PCDHGA8: variants seen among roughly 807,000 people sequenced by gnomAD.
PCDHGA8 encodes the protein protocadherin gamma-A8.
A neutral mutation model predicts 59.2 loss-of-function variants in PCDHGA8; 45 were observed. The ratio of observed to expected loss-of-function variants is 0.76; its 90% CI spans 0.60 to 0.98. PCDHGA8 has a LOEUF of 0.98. Among genes scored for constraint, PCDHGA8 ranks in the 50% least tolerant of loss-of-function variants. The probability of loss-of-function intolerance (pLI) is 0.00; values close to 1 mark genes in which losing one functional copy is unlikely to be tolerated. For missense variants in PCDHGA8, 1,257 were observed against 1,196.2 expected (o/e 1.05, Z -0.75); for synonymous variants, 531 against 519.0 (o/e 1.02, Z -0.32).
In PCDHGA8 at chr5:141,491,723, G is replaced by A. The variant is rs764792125; in HGVS notation, c.2425-3084G>A. The A allele has an allele frequency of 1.7e-5, 27 of 1,606,770 alleles. No individual in the cohort carries two copies. In the African/African-American group the frequency reaches 3.2e-4, roughly 19 times the overall value. On this transcript the variant is annotated intron_variant, in intron 1 of 3. Coordinates refer to ENST00000398604, the MANE Select transcript of PCDHGA8 (RefSeq NM_032088.2). The surrounding 1 kb of genome is among the most constrained non-coding windows in gnomAD (Gnocchi z 6.9). The stretch of plus-strand genomic sequence containing the variant: ...CAGGTGAGGGGCTCGGCGCCGCCCC[G>A]GGCGACCCCTGGGGGCGGCACTGGA...
rs773471969 is a variant in PCDHGA8, at chr5:141,422,101, A to G, written c.2424+26864A>G. 11 of 1,610,046 alleles carry G rather than the reference A, an allele frequency of 6.8e-6. No individual in the cohort carries two copies. The highest frequency in any genetic ancestry group is 4.5e-5 in the East Asian group (2 of 44,870). ...GAACATGGAAAGCAAGGCTTCTGAA[A>G]TATTCCAATTGGATTCACAAACTGG... On this transcript the variant is annotated intron_variant, in intron 1 of 3. Coordinates refer to ENST00000398604, the MANE Select transcript of PCDHGA8 (RefSeq NM_032088.2).
chr5:141,471,394 G>A (rs1349459242), intron 1 of PCDHGA8: 1 of 152,056 alleles, frequency 6.6e-6, no homozygotes, highest in Non-Finnish European at 1.5e-5. Context: ...TACAAGTTAC[G>A]TAGCTAGGCT....
chr5:141,457,045 C>T (rs1489830197), intron 1 of PCDHGA8, among the ~76,000 whole-genome samples: 1 of 152,198 alleles, frequency 6.6e-6, no homozygotes, highest in African/African-American at 2.4e-5. Context: ...GATAGTAAAA[C>T]TTTCATGCTT....
intron 1 of PCDHGA8, chr5:141,419,537 C>G (rs368875631): frequency 1.2e-6 from 2 of 1,612,040 alleles, no homozygotes; most frequent in Non-Finnish European, 1.7e-6. Flanking sequence ...CGACAACGCA[C>G]CGCGGGTGCT....
intron 1 of PCDHGA8, 78 bp from the exon 2 acceptor site, chr5:141,494,729 C>CG: frequency 6.2e-7 from 1 of 1,610,168 alleles, no homozygotes; most frequent in South Asian, 1.1e-5. Context: ...CCTTCTCTCC[C>CG]GGCCCATCCC....
chr5:141,480,837 G>T (rs1435750544), intron 1 of PCDHGA8, among the ~76,000 whole-genome samples: 2 of 152,168 alleles, frequency 1.3e-5, no homozygotes, highest in African/African-American at 4.8e-5. Flanking sequence ...ATAAGATCAG[G>T]AGTTTGAGAC....
chr5:141,393,892 C>A lies in PCDHGA8; in HGVS notation c.1079C>A (p.Ser360Tyr), dbSNP rs775134910. The A allele has an allele frequency of 1.2e-5, 19 of 1,613,856 alleles. No homozygotes were observed. Among genetic ancestry groups the A allele is most frequent in the Admixed American group, 6.7e-5 (4 of 60,000 alleles). ...TSLFSPVLENSLPGTVIAFLS... is the reference protein window; with the variant it reads ...TSLFSPVLENYLPGTVIAFLS... ...TTGTTTAGCCCAGTGTTAGAAAATT[C>A]TCTTCCCGGGACAGTAATTGCCTTC... Residue 360 changes from serine (S) to tyrosine (Y), a missense_variant, in exon 1 of 4, where the codon TCT (serine) becomes TAT (tyrosine). Transcript: ENST00000398604.
Position 141,456,470 on chromosome 5 carries a change from A to G in PCDHGA8, c.2425-38337A>G, listed in dbSNP as rs573210902. Among the ~76,000 whole-genome samples, 4 of 152,272 alleles carry G rather than the reference A, an allele frequency of 2.6e-5. No homozygotes were observed. In the East Asian group the frequency reaches 7.7e-4, roughly 29 times the overall value. On this transcript the variant is annotated intron_variant, in intron 1 of 3. Coordinates refer to ENST00000398604, the MANE Select transcript of PCDHGA8 (RefSeq NM_032088.2). ...GTCCAAATATCAATACAAGACATAT[A>G]AGCAAGAGAGTGCTTAATAAAGGGG...
chr5:141,480,651 C>T (rs780138971), intron 1 of PCDHGA8, among the ~76,000 whole-genome samples: 1 of 152,174 alleles, frequency 6.6e-6, no homozygotes, highest in African/African-American at 2.4e-5. Flanking sequence ...CTTGGTTGCA[C>T]ATTAAAATCA....
intron 1 of PCDHGA8, chr5:141,421,090 G>C (rs552694052): frequency 1.5e-6 from 1 of 661,192 alleles, no homozygotes; most frequent in Admixed American, 3.2e-5. Context: ...CACAGATCCT[G>C]ACACTGGAGA....
At chr5:141,467,941 G>A (rs1173095290) in intron 1 of PCDHGA8, among the ~76,000 whole-genome samples, 4 of 151,984 alleles carry the variant, frequency 2.6e-5, no homozygotes, top group Admixed American at 2.6e-4. Context: ...TTACAAGCAT[G>A]AGCCACCACA....
chr5:141,421,812 A>T, intron 1 of PCDHGA8: 1 of 1,613,822 alleles, frequency 6.2e-7, no homozygotes, highest in Non-Finnish European at 8.5e-7. Context: ...ATCCAGAGCT[A>T]GTACTGGAGG....
At position 141,500,368 on chromosome 5, in the gene PCDHGA8, C is replaced by T. The variant is rs181410708; in HGVS notation, c.2484-5025C>T. Among the ~76,000 whole-genome samples, 364 of 152,050 alleles carry T rather than the reference C, an allele frequency of 2.4e-3. 3 individuals carry two copies. The highest frequency in any genetic ancestry group is 9.2e-3 in the Admixed American group (140 of 15,274). ...GGACTACAGGCGCCCACTACCACGCCCGGCTAATTATTTTGTATTTTTAGT... is the reference window on the plus strand; with the variant it reads ...GGACTACAGGCGCCCACTACCACGCTCGGCTAATTATTTTGTATTTTTAGT... On this transcript the variant is annotated intron_variant, in intron 2 of 3. Transcript: ENST00000398604.
Position 141,476,110 on chromosome 5 carries a change from G to A in PCDHGA8, c.2425-18697G>A. ...GACCCCGCTGAGAGGAACTGCTTTT[G>A]AGTGAGATGGTCCCAGAGGCCTGGA... On this transcript the variant is annotated intron_variant, in intron 1 of 3. Transcript: ENST00000398604. The surrounding 1 kb of genome is among the most constrained non-coding windows in gnomAD (Gnocchi z 7.6). 1.9e-6 allele frequency: 3 copies of A among 1,589,382 alleles called. No homozygotes were observed. The highest frequency in any genetic ancestry group is 2.6e-6 in the Non-Finnish European group (3 of 1,170,364).
intron 1 of PCDHGA8, chr5:141,420,003 T>C: frequency 6.2e-7 from 1 of 1,614,100 alleles, no homozygotes; most frequent in Non-Finnish European, 8.5e-7. Flanking sequence ...GCTCTACGCC[T>C]GCGACAGTCT....
chr5:141,399,794 C>G, intron 1 of PCDHGA8: 1 of 1,613,268 alleles, frequency 6.2e-7, no homozygotes, highest in South Asian at 1.1e-5. Flanking sequence ...GACAACGCAC[C>G]GCGGGTGCTG....
In PCDHGA8 at chr5:141,511,307, G is replaced by A. The variant is rs919320754; in HGVS notation, c.*134G>A. On this transcript the variant is annotated 3_prime_UTR_variant, in exon 4 of 4. Coordinates refer to ENST00000398604, the MANE Select transcript of PCDHGA8 (RefSeq NM_032088.2). ...TAGGGGCCAAGGCCATGCTCCCCTT[G>A]GGAAACAGAAACAAGTGCCCAGTCA... 8 of 1,488,416 alleles carry A rather than the reference G, an allele frequency of 5.4e-6. No individual in the cohort carries two copies. Among genetic ancestry groups the A allele is most frequent in the Non-Finnish European group, 5.4e-6 (6 of 1,115,202 alleles). The allele number at this position is 1,488,416 out of a possible 1,614,324, so 92.2% of individuals were successfully genotyped here. A position where few individuals can be genotyped will look rare whatever the true frequency, so the allele number is the denominator to read the frequency against.
At chr5:141,404,147 G>C in intron 1 of PCDHGA8, 1 of 1,612,990 alleles carries the variant, frequency 6.2e-7, no homozygotes, top group African/African-American at 1.3e-5. Context: ...AAATTCAGAA[G>C]AAGATTATTA....
Position 141,490,162 on chromosome 5 carries a change from A to C in PCDHGA8, c.2425-4645A>C. ...TGGGGCAATCCATGTGTTGGGTCCC[A>C]TAGACTTTGAGGAGTCACGTTTCTA... On this transcript the variant is annotated intron_variant, in intron 1 of 3. Coordinates refer to ENST00000398604, the MANE Select transcript of PCDHGA8 (RefSeq NM_032088.2). The surrounding 1 kb of genome is among the most constrained non-coding windows in gnomAD (Gnocchi z 5.4). The C allele has an allele frequency of 6.2e-7, 1 of 1,614,218 alleles. No individual in the cohort carries two copies. The highest frequency in any genetic ancestry group is 8.5e-7 in the Non-Finnish European group (1 of 1,180,028).
Sources: gnomAD v4.1 joint callset for allele counts (sites outside exome capture counted in the v4.1 genomes callset) on GRCh38, gnomAD v4.1.1 for gene constraint, Gnocchi (gnomAD v3.1) non-coding constraint, MANE v1.5 for transcripts, NCBI Gene and HGNC (gene_info 2026-07-23, HGNC 2026-07-21) for gene names.